GPC5: variants seen among roughly 807,000 people sequenced by gnomAD.
GPC5 encodes glypican-5.
Under a neutral mutation model 53.9 loss-of-function variants are expected in GPC5, and 47 were observed. The ratio of observed to expected loss-of-function variants is 0.87; its 90% CI spans 0.69 to 1.11. The LOEUF is 1.11. GPC5 is among the 50% of genes most tolerant of loss of function. The pLI is 0.00. For synonymous variants in GPC5, 286 were observed against 263.3 expected (o/e 1.09, Z -0.84); for missense variants, 748 against 713.1 (o/e 1.05, Z -0.56).
At chr13:92,775,808 C>A (rs1875782340) in intron 7 of GPC5, among the ~76,000 whole-genome samples, 1 of 152,168 alleles carries the variant, frequency 6.6e-6, no homozygotes, top group Non-Finnish European at 1.5e-5. Context: ...CATTCATTGA[C>A]AACGGTCTTA....
intron 7 of GPC5, among the ~76,000 whole-genome samples, chr13:92,758,912 G>A (rs187128093): frequency 1.4e-3 from 203 of 148,112 alleles, no homozygotes; most frequent in African/African-American, 4.8e-3. Context: ...TGTGTATGGT[G>A]TAAAAGAAGG....
intron 2 of GPC5, among the ~76,000 whole-genome samples, chr13:91,533,715 C>A (rs759179800): frequency 1.3e-5 from 2 of 152,148 alleles, no homozygotes; most frequent in Admixed American, 6.5e-5. Context: ...TCTGTGAATG[C>A]AATTGAGTAA....
chr13:91,966,932 A>G (rs2040186504), intron 6 of GPC5, among the ~76,000 whole-genome samples: 2 of 152,224 alleles, frequency 1.3e-5, no homozygotes, highest in South Asian at 4.1e-4. Flanking sequence ...GAAGTTAAAT[A>G]TTTGAATAAA....
At chr13:91,587,167 T>C (rs2032628453) in intron 2 of GPC5, among the ~76,000 whole-genome samples, 1 of 152,202 alleles carries the variant, frequency 6.6e-6, no homozygotes, top group African/African-American at 2.4e-5. Flanking sequence ...ACTTATGCGT[T>C]AATAACGAAG....
At chr13:91,517,751 G>C (rs1885580186) in intron 2 of GPC5, among the ~76,000 whole-genome samples, 1 of 152,188 alleles carries the variant, frequency 6.6e-6, no homozygotes, top group Non-Finnish European at 1.5e-5. Flanking sequence ...TGGACTTACA[G>C]TTCCCCATGG....
At chr13:92,777,500 C>A (rs186708079) in intron 7 of GPC5, among the ~76,000 whole-genome samples, 1 of 151,730 alleles carries the variant, frequency 6.6e-6, no homozygotes, top group Admixed American at 6.6e-5. Context: ...GGGTGGCACC[C>A]GCCTGTATTC....
At position 91,606,706 on chromosome 13, in the gene GPC5, T is replaced by G. The variant is rs1352132769; in HGVS notation, c.326-86481T>G. Among the ~76,000 whole-genome samples the G allele has an allele frequency of 8.0e-5, 12 of 150,372 alleles. No homozygotes were observed. The South Asian group carries it at 1.9e-3, about 24-fold the overall frequency. ...TGGGAGAGTGTATGTGTCCAGGAATTTATCCATTTCTTCTAGATTTTCTAG... is the reference window on the plus strand; with the variant it reads ...TGGGAGAGTGTATGTGTCCAGGAATGTATCCATTTCTTCTAGATTTTCTAG... On this transcript the variant is annotated intron_variant, in intron 2 of 7. Transcript: ENST00000377067.
rs1157506570 is a variant in GPC5 at position 91,918,325 on chromosome 13, G to C, written c.1401+10268G>C. Reference sequence around the variant, plus strand: ...TATAATTCAAGATGAGATTTTGGGTGAGGACACAGCCAAGCCATATCATAT... The same window carrying C: ...TATAATTCAAGATGAGATTTTGGGTCAGGACACAGCCAAGCCATATCATAT... On this transcript the variant is annotated intron_variant, in intron 6 of 7. Transcript: ENST00000377067. 3.9e-4 allele frequency among the ~76,000 whole-genome samples: 59 copies of C among 152,144 alleles called. 1 individual carries two copies. The highest frequency in any genetic ancestry group is 7.6e-4 in the Non-Finnish European group (52 of 68,002).
intron 7 of GPC5, among the ~76,000 whole-genome samples, chr13:92,489,016 A>G (rs1338152551): frequency 6.6e-6 from 1 of 152,172 alleles, no homozygotes; most frequent in East Asian, 1.9e-4. Flanking sequence ...TATAAATATT[A>G]ATATATCAGT....
chr13:92,178,773 A>G (rs955924400), intron 7 of GPC5, among the ~76,000 whole-genome samples: 1 of 152,062 alleles, frequency 6.6e-6, no homozygotes, highest in African/African-American at 2.4e-5. Flanking sequence ...TCAGGAGATC[A>G]AGACCATCCT....
At chr13:92,847,301 G>A (rs1878643899) in intron 7 of GPC5, among the ~76,000 whole-genome samples, 2 of 152,132 alleles carry the variant, frequency 1.3e-5, no homozygotes, top group Admixed American at 6.6e-5. Flanking sequence ...GGAAAACTTA[G>A]TTTACCTCAA....
intron 2 of GPC5, among the ~76,000 whole-genome samples, chr13:91,579,360 A>G (rs2032261218): frequency 6.6e-6 from 1 of 152,178 alleles, no homozygotes; most frequent in African/African-American, 2.4e-5. Context: ...CTTTCGGACC[A>G]TAACTTTACC....
intron 7 of GPC5, among the ~76,000 whole-genome samples, chr13:92,644,504 G>C (rs186748470): frequency 5.9e-5 from 9 of 152,186 alleles, no homozygotes; most frequent in Admixed American, 1.3e-4. Context: ...TGTGACAAAA[G>C]ATATGTTGTC....
intron 2 of GPC5, among the ~76,000 whole-genome samples, chr13:91,483,505 C>G (rs1883417130): frequency 6.6e-6 from 1 of 152,156 alleles, no homozygotes. Context: ...GACGCTCATC[C>G]TCATTTTGTT....
At chr13:91,506,972 G>T (rs1414432273) in intron 2 of GPC5, among the ~76,000 whole-genome samples, 1 of 152,046 alleles carries the variant, frequency 6.6e-6, no homozygotes, top group East Asian at 1.9e-4. Flanking sequence ...AAGTCCCAAT[G>T]CCCCAAAGTA....
chr13:92,196,472 T>G (rs1442555281), intron 7 of GPC5, among the ~76,000 whole-genome samples: 1 of 152,178 alleles, frequency 6.6e-6, no homozygotes, highest in Non-Finnish European at 1.5e-5. Flanking sequence ...CTTTTTATTG[T>G]TCTATATTTA....
At chr13:91,560,715 T>A (rs899040128) in intron 2 of GPC5, among the ~76,000 whole-genome samples, 2 of 152,050 alleles carry the variant, frequency 1.3e-5, no homozygotes, top group Non-Finnish European at 1.5e-5. Context: ...AGCCAGATTT[T>A]CTCCCAGCAG....
At chr13:92,717,504 A>T (rs1006194652) in intron 7 of GPC5, among the ~76,000 whole-genome samples, 1 of 152,180 alleles carries the variant, frequency 6.6e-6, no homozygotes, top group African/African-American at 2.4e-5. Context: ...ATCCAGAATT[A>T]ATTTGGGGAG....
chr13:91,796,647 C>G (rs1168983595), intron 5 of GPC5, among the ~76,000 whole-genome samples: 1 of 152,134 alleles, frequency 6.6e-6, no homozygotes, highest in Non-Finnish European at 1.5e-5. Context: ...TTACAAGCCC[C>G]ATGTTTAAAG....
Sources: gnomAD v4.1 joint callset for allele counts (sites outside exome capture counted in the v4.1 genomes callset) on GRCh38, gnomAD v4.1.1 for gene constraint, MANE v1.5 for transcripts, NCBI Gene and HGNC (gene_info 2026-07-23, HGNC 2026-07-21) for gene names.